DLGAP1: variants seen among roughly 807,000 people sequenced by gnomAD.
The protein encoded by DLGAP1 is disks large-associated protein 1.
In DLGAP1, 11 loss-of-function variants were observed where a neutral mutation model predicts 90.8. That is an observed-to-expected ratio of 0.12 (90% CI 0.08 to 0.20). The LOEUF (loss-of-function observed/expected upper bound fraction) is 0.20. Ranked by LOEUF, DLGAP1 falls within the 10% of genes least tolerant of loss-of-function variation. DLGAP1 has a pLI of 1.00. For synonymous variants in DLGAP1, 558 were observed against 540.7 expected (o/e 1.03, Z -0.44); for missense variants, 1,050 against 1,333.8 (o/e 0.79, Z 3.31).
At chr18:3,573,479 G>A (rs997045424) in intron 8 of DLGAP1, among the ~76,000 whole-genome samples, 2 of 152,148 alleles carry the variant, frequency 1.3e-5, no homozygotes, top group Non-Finnish European at 2.9e-5. Context: ...TCCAGCCTGG[G>A]TGACAAGAGC....
chr18:4,189,120 A>G (rs1029622564), intron 1 of DLGAP1, among the ~76,000 whole-genome samples: 2 of 152,190 alleles, frequency 1.3e-5, no homozygotes, highest in Admixed American at 1.3e-4. Flanking sequence ...AAGAATTTCA[A>G]TTTTGATGAA....
intron 2 of DLGAP1, among the ~76,000 whole-genome samples, chr18:4,079,714 A>AT (rs2075577357): frequency 7.1e-6 from 1 of 141,812 alleles, no homozygotes. Context: ...ATATATATAT[A>AT]AAAGAAAATC....
intron 7 of DLGAP1, chr18:3,721,594 T>G (rs2061985808): frequency 6.6e-6 from 1 of 152,194 alleles, no homozygotes; most frequent in African/African-American, 2.4e-5. Flanking sequence ...GAACAAATGT[T>G]TCTTTAAAAA....
intron 3 of DLGAP1, among the ~76,000 whole-genome samples, chr18:3,976,740 G>T (rs188714253): frequency 6.6e-6 from 1 of 152,190 alleles, no homozygotes; most frequent in East Asian, 1.9e-4. Context: ...GGAGTTAAAG[G>T]CATGAATCTA....
chr18:4,045,465 A>AAAAAAAAAAAAAAAAAAAG (rs2075038289), intron 2 of DLGAP1, among the ~76,000 whole-genome samples: 1 of 130,194 alleles, frequency 7.7e-6, no homozygotes, highest in African/African-American at 2.9e-5. Context: ...AAAAAAAAAA[A>AAAAAAAAAAAAAAAAAAAG]GCTTGCCCCT....
rs912712124 is a variant in DLGAP1 at position 3,580,406 on chromosome 18, T to A, written c.1965+1469A>T. ...CATACCTAAGCACCAGGTGGACAGC[T>A]CCACAGCCCAATGTCTCCTCTGTGG... On this transcript the variant is annotated intron_variant, in intron 8 of 12. Transcript: ENST00000315677. The A allele has an allele frequency of 1.5e-5, 24 of 1,613,592 alleles. 1 individual carries two copies. The Admixed American group carries it at 4.0e-4, about 27-fold the overall frequency.
chr18:3,879,582 C>G lies in DLGAP1; in HGVS notation c.487G>C (p.Val163Leu). 6.3e-7 allele frequency: 1 copy of G among 1,599,788 alleles called. No homozygotes were observed. The highest frequency in any genetic ancestry group is 1.3e-5 in the African/African-American group (1 of 74,952). Reference sequence around the variant, plus strand: ...TCAGGGCTGGCCTTGCCCCCGTTGACGCTGCCCTTGGACGGCCCCTCCAGG... The same window carrying G: ...TCAGGGCTGGCCTTGCCCCCGTTGAGGCTGCCCTTGGACGGCCCCTCCAGG... ...HSLEGPSKGS[V>L]NGGKASPDEA... The change falls in exon 4 of 13, where the codon GTC becomes CTC. Residue 163 changes from valine to leucine, a missense_variant. By Grantham distance (32) the Val-to-Leu change is conservative (BLOSUM62 1). Around this residue, in one of 2 missense-constraint regions of DLGAP1, gnomAD observed 485 missense variants for 454.1 expected, o/e 1.07. Coordinates refer to ENST00000315677, the MANE Select transcript of DLGAP1 (RefSeq NM_004746.4). The surrounding 1 kb of genome is among the most constrained non-coding windows in gnomAD (Gnocchi z 6.6).
At chr18:4,431,942 C>T (rs1010061708) in intron 1 of DLGAP1, among the ~76,000 whole-genome samples, 1 of 152,168 alleles carries the variant, frequency 6.6e-6, no homozygotes, top group Non-Finnish European at 1.5e-5. Flanking sequence ...GTTTTAGAAC[C>T]AGTTTATTTT....
intron 2 of DLGAP1, among the ~76,000 whole-genome samples, chr18:4,126,346 G>A (rs1354550373): frequency 6.6e-6 from 1 of 152,114 alleles, no homozygotes; most frequent in Non-Finnish European, 1.5e-5. Context: ...AAATTACAAA[G>A]GGACAACTTC....
intron 1 of DLGAP1, among the ~76,000 whole-genome samples, chr18:4,281,955 G>T (rs568534555): frequency 1.3e-5 from 2 of 152,124 alleles, no homozygotes; most frequent in Non-Finnish European, 2.9e-5. Context: ...AATTCTAAAT[G>T]CATTCCACTT....
intron 1 of DLGAP1, among the ~76,000 whole-genome samples, chr18:4,361,958 C>T (rs1422106998): frequency 2.6e-5 from 4 of 152,114 alleles, no homozygotes; most frequent in Non-Finnish European, 4.4e-5. Flanking sequence ...AAGATATACG[C>T]ATGGCCAAAA....
chr18:3,771,649 A>AAG (rs1449746581), intron 5 of DLGAP1, among the ~76,000 whole-genome samples: 6 of 152,212 alleles, frequency 3.9e-5, no homozygotes, highest in Non-Finnish European at 5.9e-5. Context: ...AAGTTTTTCC[A>AAG]TGTTTGACGT....
chr18:3,834,099 G>A (rs2068222121), intron 4 of DLGAP1, among the ~76,000 whole-genome samples: 2 of 152,016 alleles, frequency 1.3e-5, no homozygotes, highest in South Asian at 4.2e-4. Flanking sequence ...GAGGTCAGGA[G>A]ATCCAGACTA....
Position 4,344,485 on chromosome 18 carries a change from G to A in DLGAP1, c.-267+110521C>T, listed in dbSNP as rs73941443. On this transcript the variant is annotated intron_variant, in intron 1 of 12. Transcript: ENST00000315677. ...CTATAATTTGCTATGTGAGATTAAC[G>A]AAAATTCAACATAGTAGAAGAGTTT... 7.5e-3 allele frequency among the ~76,000 whole-genome samples: 1,135 copies of A among 152,222 alleles called. 13 individuals are homozygous for A. The highest frequency in any genetic ancestry group is 0.024 in the African/African-American group (1,010 of 41,548).
intron 1 of DLGAP1, among the ~76,000 whole-genome samples, chr18:4,236,630 T>C (rs1252920386): frequency 6.6e-6 from 1 of 152,090 alleles, no homozygotes; most frequent in Non-Finnish European, 1.5e-5. Context: ...CTCCCTTAAA[T>C]GAGTTATCTT....
rs142979104 is a variant in DLGAP1 at position 3,833,876 on chromosome 18, A to G, written c.958-19603T>C. Among the ~76,000 whole-genome samples the G allele has an allele frequency of 1.6e-4, 24 of 152,350 alleles. 1 individual carries two copies. The East Asian group carries it at 4.6e-3, about 29-fold the overall frequency. ...TTAAGTACCACAGTGTAAAAATTCTATTGTTGCATTAATTTGATTAGCAAT... is the reference window on the plus strand; with the variant it reads ...TTAAGTACCACAGTGTAAAAATTCTGTTGTTGCATTAATTTGATTAGCAAT... On this transcript the variant is annotated intron_variant, in intron 4 of 12. Coordinates refer to ENST00000315677, the MANE Select transcript of DLGAP1 (RefSeq NM_004746.4).
intron 2 of DLGAP1, among the ~76,000 whole-genome samples, chr18:4,148,381 G>A (rs766564394): frequency 1.3e-5 from 2 of 152,194 alleles, no homozygotes; most frequent in Non-Finnish European, 2.9e-5. Context: ...AGATAATGAT[G>A]AATTGGTAAA....
At chr18:4,446,840 A>G (rs77197472) in intron 1 of DLGAP1, among the ~76,000 whole-genome samples, 6,666 of 152,226 alleles carry the variant, frequency 0.044, 492 homozygotes, top group African/African-American at 0.15. Flanking sequence ...ACAAATCAAT[A>G]AGTTTAACAA....
chr18:3,669,752 C>G (rs2060019079), intron 7 of DLGAP1, among the ~76,000 whole-genome samples: 1 of 152,194 alleles, frequency 6.6e-6, no homozygotes, highest in South Asian at 2.1e-4. Context: ...ATTATCCAAG[C>G]CCCCATGTGA....
Sources: allele counts gnomAD v4.1 joint callset (sites outside exome capture counted in the v4.1 genomes callset), GRCh38; gene constraint gnomAD v4.1.1; regional missense constraint gnomAD v4.1.1; non-coding constraint Gnocchi (gnomAD v3.1); transcripts MANE v1.5; gene names NCBI Gene and HGNC (gene_info 2026-07-23, HGNC 2026-07-21).